Variants in XXYLT1 observed in about 807,000 individuals in gnomAD.
The protein encoded by XXYLT1 is UDP-xylose:alpha-xyloside alpha-1,3-xylosyltransferase.
A neutral mutation model predicts 28.9 loss-of-function variants in XXYLT1; 20 were observed. That is an observed-to-expected ratio of 0.69 (90% CI 0.49 to 1.00). The LOEUF (loss-of-function observed/expected upper bound fraction) is 1.00. Ranked by LOEUF, XXYLT1 falls within the 50% of genes least tolerant of loss-of-function variation. The pLI, the probability that XXYLT1 is intolerant of heterozygous loss-of-function variation, is 0.00. For synonymous variants in XXYLT1, 257 were observed against 253.8 expected (o/e 1.01, Z -0.12); for missense variants, 542 against 560.1 (o/e 0.97, Z 0.33).
chr3:195,082,184 T>C (rs2108648806), intron 3 of XXYLT1, among the ~76,000 whole-genome samples: 1 of 152,304 alleles, frequency 6.6e-6, no homozygotes, highest in South Asian at 2.1e-4. Context: ...ACCTCAGCAG[T>C]GTGCTGTGTG....
Position 195,078,890 on chromosome 3 carries a change from T to C in XXYLT1, c.786-8779A>G, listed in dbSNP as rs1715272705. Among the ~76,000 whole-genome samples the C allele has an allele frequency of 6.6e-6, 1 of 152,160 alleles. No individual in the cohort carries two copies. The highest frequency in any genetic ancestry group is 1.5e-5 in the Non-Finnish European group (1 of 68,022). On this transcript the variant is annotated intron_variant, in intron 3 of 3. Coordinates refer to ENST00000310380, the MANE Select transcript of XXYLT1 (RefSeq NM_152531.5). This position sits in a 1 kb window ranked among gnomAD's most constrained non-coding sequence, Gnocchi z 5.0. ...AATGCTGATGGCCCTTCCCTTCACCTTGACCACAGTGTCCTCAAACCACAC... is the reference window on the plus strand; with the variant it reads ...AATGCTGATGGCCCTTCCCTTCACCCTGACCACAGTGTCCTCAAACCACAC...
rs542205094 is a variant in XXYLT1, at chr3:195,095,411, A to G, written c.786-25300T>C. 6 of 153,936 alleles carry G rather than the reference A, an allele frequency of 3.9e-5. No individual in the cohort carries two copies. In the South Asian group the frequency reaches 1.2e-3, roughly 32 times the overall value. The allele number at this position is 153,936 out of a possible 1,614,324, so 9.5% of individuals were successfully genotyped here. A position where few individuals can be genotyped will look rare whatever the true frequency, so the allele number is the denominator to read the frequency against. On this transcript the variant is annotated intron_variant, in intron 3 of 3. Coordinates refer to ENST00000310380, the MANE Select transcript of XXYLT1 (RefSeq NM_152531.5). ...TGTGGGTTCTCCTTCCTTGCCTTCC[A>G]CCATCTGGGACTGGGGCCAGCACAG...
At chr3:195,252,742 A>AGC (rs1725319344) in intron 1 of XXYLT1, among the ~76,000 whole-genome samples, 7 of 151,882 alleles carry the variant, frequency 4.6e-5, no homozygotes, top group African/African-American at 1.7e-4. Context: ...AGAGAGAGAG[A>AGC]GAGAGAGAGA....
At position 195,124,849 on chromosome 3, in the gene XXYLT1, C is replaced by T. The variant is rs1325976453; in HGVS notation, c.785+31600G>A. Reference sequence around the variant, plus strand: ...GCTCCGGGAAGGCTGGAGTCTGAGCCGGCACTGGCAGCGTTTTTCACGGAC... The same window carrying T: ...GCTCCGGGAAGGCTGGAGTCTGAGCTGGCACTGGCAGCGTTTTTCACGGAC... On this transcript the variant is annotated intron_variant, in intron 3 of 3. Coordinates refer to ENST00000310380, the MANE Select transcript of XXYLT1 (RefSeq NM_152531.5). This position sits in a 1 kb window ranked among gnomAD's most constrained non-coding sequence, Gnocchi z 4.1. 1.3e-5 allele frequency among the ~76,000 whole-genome samples: 2 copies of T among 152,248 alleles called. No homozygotes were observed. The highest frequency in any genetic ancestry group is 1.9e-4 in the East Asian group (1 of 5,180).
rs1313681253 is a variant in XXYLT1 at position 195,252,721 on chromosome 3, C to CAGAGAGAG, written c.504+17833_504+17834insCTCTCTCT. 7.7e-3 allele frequency among the ~76,000 whole-genome samples: 1,038 copies of CAGAGAGAG among 134,686 alleles called. 16 individuals carry two copies. The highest frequency in any genetic ancestry group is 0.031 in the African/African-American group (960 of 30,798). 88.4% of individuals were successfully genotyped at this position (134,686 alleles called of 152,430 possible). On this transcript the variant is annotated intron_variant, in intron 1 of 3. Transcript: ENST00000310380. ...ACACACACACACACACACACACACA[C>CAGAGAGAG]ACACACAGAGAGAGAGAGAGAGAGA... is the stretch of plus-strand genomic sequence containing the variant.
chr3:195,248,176 A>G (rs1725110745), intron 1 of XXYLT1, among the ~76,000 whole-genome samples: 1 of 152,192 alleles, frequency 6.6e-6, no homozygotes, highest in Non-Finnish European at 1.5e-5. Context: ...CCACTTAGAT[A>G]CTTACAGGCT....
rs149633045 is a variant in XXYLT1, at chr3:195,265,346, G to A, written c.504+5209C>T. ...CGCACCCTTGCACTCCAGCCTGGGT[G>A]ACAGAACGAGACTCCATCTCAAAAA... is the stretch of plus-strand genomic sequence containing the variant. On this transcript the variant is annotated intron_variant, in intron 1 of 3. Transcript: ENST00000310380. Among the ~76,000 whole-genome samples the A allele has an allele frequency of 3.9e-3, 578 of 149,428 alleles. 3 individuals carry two copies. Among genetic ancestry groups the A allele is most frequent in the African/African-American group, 0.012 (481 of 40,562 alleles).
rs1399232768 is a variant in XXYLT1, at chr3:195,270,808, G to A, written c.251C>T (p.Ala84Val). 4 of 1,509,330 alleles carry A rather than the reference G, an allele frequency of 2.7e-6. No individual in the cohort carries two copies. The highest frequency in any genetic ancestry group is 3.5e-6 in the Non-Finnish European group (4 of 1,131,762). The allele number at this position is 1,509,330 out of a possible 1,614,324, so 93.5% of individuals were successfully genotyped here. A position where few individuals can be genotyped will look rare whatever the true frequency, so the allele number is the denominator to read the frequency against. Residue 84 changes from alanine to valine, a missense_variant, in exon 1 of 4, where the codon GCG (alanine) becomes GTG (valine). Physicochemically the swap from Ala to Val is moderately conservative, Grantham distance 64. Transcript: ENST00000310380. ...ARGSVAPAPG[A>V]KAKSLEGGGA... Reference sequence around the variant, plus strand: ...GCCGCCCTCCAAGCTCTTGGCCTTCGCGCCGGGGGCTGGCGCCACGGAGCC... The same window carrying A: ...GCCGCCCTCCAAGCTCTTGGCCTTCACGCCGGGGGCTGGCGCCACGGAGCC...
chr3:195,226,854 G>A lies in XXYLT1; in HGVS notation c.507C>T (p.Val169=). The A allele has an allele frequency of 6.2e-7, 1 of 1,613,108 alleles. No individual in the cohort carries two copies. Among genetic ancestry groups the A allele is most frequent in the East Asian group, 2.2e-5 (1 of 44,840 alleles). The part of the protein sequence containing the change: ...LPPAAGFKCK[V]IFHDVAVLTD... ...TCAGCACAGCAACATCGTGGAAGAT[G>A]ACCTGCAGCAGGTGCAAAAAAAACC... Residue 169 remains valine (V), a splice_region_variant and synonymous_variant, in exon 2 of 4, where the codon GTC becomes GTT. Transcript: ENST00000310380.
At chr3:195,178,544 C>G (rs946357298) in intron 2 of XXYLT1, among the ~76,000 whole-genome samples, 1 of 152,174 alleles carries the variant, frequency 6.6e-6, no homozygotes, top group Non-Finnish European at 1.5e-5. Context: ...ACGCGGCCAT[C>G]AAATAAGGAC....
intron 1 of XXYLT1, among the ~76,000 whole-genome samples, chr3:195,266,639 ATC>A (rs1725858547): frequency 6.6e-6 from 1 of 152,252 alleles, no homozygotes; most frequent in Admixed American, 6.5e-5. Flanking sequence ...TGAGCCAGGC[ATC>A]ATGCTCCCCA....
chr3:195,175,993 TA>T, intron 2 of XXYLT1: 1 of 1,035,856 alleles, frequency 9.7e-7, no homozygotes, highest in Non-Finnish European at 1.2e-6. Context: ...GTCATCAGTG[TA>T]TACGTAGCAG....
rs1455552394 is a variant in XXYLT1 at position 195,257,210 on chromosome 3, A to G, written c.504+13345T>C. Among the ~76,000 whole-genome samples the G allele has an allele frequency of 1.3e-5, 2 of 152,130 alleles. No individual in the cohort carries two copies. The highest frequency in any genetic ancestry group is 1.9e-4 in the East Asian group (1 of 5,188). On this transcript the variant is annotated intron_variant, in intron 1 of 3. Coordinates refer to ENST00000310380, the MANE Select transcript of XXYLT1 (RefSeq NM_152531.5). This position sits in a 1 kb window ranked among gnomAD's most constrained non-coding sequence, Gnocchi z 4.3. ...CCCAGCCATCCCACCCCGGCCTTCC[A>G]TGGCTGCACTCACACCCCACTGCCC...
At chr3:195,127,589 A>G (rs975639557) in intron 3 of XXYLT1, among the ~76,000 whole-genome samples, 4 of 152,044 alleles carry the variant, frequency 2.6e-5, no homozygotes, top group African/African-American at 9.7e-5. Flanking sequence ...CAGCATGGGC[A>G]ACATACTGAG....
chr3:195,097,354 G>A (rs570158382), intron 3 of XXYLT1, among the ~76,000 whole-genome samples: 7 of 152,120 alleles, frequency 4.6e-5, no homozygotes, highest in Admixed American at 2.0e-4. Context: ...TTTGTGACGC[G>A]GGTTACAGCA....
intron 2 of XXYLT1, among the ~76,000 whole-genome samples, chr3:195,184,165 G>A (rs1159812205): frequency 6.6e-6 from 1 of 152,212 alleles, no homozygotes; most frequent in East Asian, 1.9e-4. Context: ...GGTGGGCCCT[G>A]CACAAAGACC....
Position 195,180,595 on chromosome 3 carries a change from G to A in XXYLT1, c.653-24014C>T, listed in dbSNP as rs955337193. The A allele has an allele frequency of 2.6e-5, 25 of 978,140 alleles. No individual in the cohort carries two copies. The highest frequency in any genetic ancestry group is 1.6e-4 in the African/African-American group (9 of 57,080). The allele number at this position is 978,140 out of a possible 1,614,324, so 60.6% of individuals were successfully genotyped here. ...GGCCCTTCCCAGCCCTCTCCAGAGC[G>A]TGATGTGGCCCCGTCTGGCTAAGAG... On this transcript the variant is annotated intron_variant, in intron 2 of 3. Coordinates refer to ENST00000310380, the MANE Select transcript of XXYLT1 (RefSeq NM_152531.5). This position sits in a 1 kb window ranked among gnomAD's most constrained non-coding sequence, Gnocchi z 5.8.
At chr3:195,114,067 C>T (rs1224441579) in intron 3 of XXYLT1, among the ~76,000 whole-genome samples, 2 of 152,316 alleles carry the variant, frequency 1.3e-5, no homozygotes, top group East Asian at 3.9e-4. Flanking sequence ...TCACAAACGC[C>T]TTGAGTGCCA....
chr3:195,073,918 C>A (rs1278978207), intron 3 of XXYLT1, among the ~76,000 whole-genome samples: 1 of 152,134 alleles, frequency 6.6e-6, no homozygotes, highest in Non-Finnish European at 1.5e-5. Flanking sequence ...CAAGTCTTTC[C>A]CTGATGATCA....
Sources: gnomAD v4.1 joint callset for allele counts (sites outside exome capture counted in the v4.1 genomes callset) on GRCh38, gnomAD v4.1.1 for gene constraint, Gnocchi (gnomAD v3.1) non-coding constraint, MANE v1.5 for transcripts, NCBI Gene and HGNC (gene_info 2026-07-23, HGNC 2026-07-21) for gene names.